Variants in TRIM39 observed in about 807,000 individuals in gnomAD.
The protein encoded by TRIM39 is E3 ubiquitin-protein ligase TRIM39.
TRIM39 carries 5 observed loss-of-function variants against 53.6 expected under a neutral mutation model. The observed-to-expected ratio is 0.09, with a 90% confidence interval of 0.05 to 0.20. The LOEUF is 0.20. TRIM39 is among the 10% of genes least tolerant of loss of function. The probability of loss-of-function intolerance (pLI) is 1.00; values close to 1 mark genes in which losing one functional copy is unlikely to be tolerated. For missense variants in TRIM39, 310 were observed against 621.0 expected (o/e 0.50, Z 5.32); for synonymous variants, 196 against 237.6 (o/e 0.82, Z 1.61).
At chr6:30,336,115 G>A in intron 5 of TRIM39, 140 bp downstream of exon 5, 1 of 1,321,716 alleles carries the variant, frequency 7.6e-7, no homozygotes, top group Non-Finnish European at 1.1e-6. Flanking sequence ...TACTCAAAGG[G>A]TCTTTGCTAC....
intron 3 of TRIM39, 73 bp downstream of exon 3, chr6:30,329,843 T>A: frequency 6.5e-7 from 1 of 1,530,416 alleles, no homozygotes; most frequent in South Asian, 1.3e-5. Context: ...ACTCCCTAGG[T>A]AGAGATCGTA....
In TRIM39 at chr6:30,338,773, C is replaced by T. The variant is rs552151426; in HGVS notation, c.781-1135C>T. ...ACAATGTCAACAAAACACAATAAAG[C>T]GAGGTGCAATAAAATGAGGTATGCC... On this transcript the variant is annotated intron_variant, in intron 5 of 7. Transcript: ENST00000396551. The surrounding 1 kb of genome is among the most constrained non-coding windows in gnomAD (Gnocchi z 4.0). 1.3e-5 allele frequency among the ~76,000 whole-genome samples: 2 copies of T among 151,864 alleles called. No homozygotes were observed. Among genetic ancestry groups the T allele is most frequent in the East Asian group, 1.9e-4 (1 of 5,172 alleles).
chr6:30,329,159 T>C, intron 2 of TRIM39, 118 bp downstream of exon 2: 1 of 888,956 alleles, frequency 1.1e-6, no homozygotes, highest in Non-Finnish European at 1.7e-6. Context: ...TTGAATTGAT[T>C]GGAAGAGAAG....
rs890495655 is a variant in TRIM39, at chr6:30,335,988, C to T, written c.780+13C>T. On this transcript the variant is annotated intron_variant, in intron 5 of 7. Transcript: ENST00000396551. This position sits in a 1 kb window ranked among gnomAD's most constrained non-coding sequence, Gnocchi z 4.7. ...CGAGATGCTTAAGGTTCGACCTTTGCCCCTGCATAGCCCCTCAGGCTGAGT... is the reference window on the plus strand; with the variant it reads ...CGAGATGCTTAAGGTTCGACCTTTGTCCCTGCATAGCCCCTCAGGCTGAGT... The T allele has an allele frequency of 1.2e-6, 2 of 1,612,786 alleles. No individual in the cohort carries two copies. The highest frequency in any genetic ancestry group is 1.7e-6 in the Non-Finnish European group (2 of 1,179,952).
At chr6:30,336,863 GC>G (rs1786924422) in intron 5 of TRIM39, among the ~76,000 whole-genome samples, 1 of 152,200 alleles carries the variant, frequency 6.6e-6, no homozygotes, top group South Asian at 2.1e-4. Context: ...AATTTACTTT[GC>G]CTAGATCTAT....
chr6:30,342,163 T>C lies in TRIM39; in HGVS notation c.1371T>C (p.Phe457=), dbSNP rs755552257. Residue 457 remains phenylalanine (F), a synonymous_variant, in exon 8 of 8, where the codon TTT becomes TTC. Coordinates refer to ENST00000396551, the Ensembl canonical transcript of TRIM39. The surrounding 1 kb of genome is among the most constrained non-coding windows in gnomAD (Gnocchi z 4.7). ...ATATCTACACCTTCACTGATACTTT[T>C]ACTGAGAAACTTTGGCCCCTCTTCT... 4 of 1,612,956 alleles carry C rather than the reference T, an allele frequency of 2.5e-6. No individual in the cohort carries two copies. The highest frequency in any genetic ancestry group is 4.5e-5 in the East Asian group (2 of 44,898).
intron 7 of TRIM39, 162 bp from the exon 8 acceptor site, chr6:30,341,550 C>T (rs1396907225): frequency 9.3e-7 from 1 of 1,072,304 alleles, no homozygotes; most frequent in Non-Finnish European, 1.4e-6. Flanking sequence ...TGCTTTCTCC[C>T]CTTCCTTAGG....
chr6:30,335,897 G>A lies in TRIM39; in HGVS notation c.702G>A (p.Gly234=), dbSNP rs945284145. 4 of 1,612,872 alleles carry A rather than the reference G, an allele frequency of 2.5e-6. No homozygotes were observed. The highest frequency in any genetic ancestry group is 1.3e-5 in the African/African-American group (1 of 74,970). ...TCCGAGAAAATGCTGCTCACCTTGGGGACAAGCGCCGGGACCTGGCCCACT... is the reference window on the plus strand; with the variant it reads ...TCCGAGAAAATGCTGCTCACCTTGGAGACAAGCGCCGGGACCTGGCCCACT... Residue 234 remains glycine, a synonymous_variant, in exon 5 of 8, where the codon GGG becomes GGA. Coordinates refer to ENST00000396551, the Ensembl canonical transcript of TRIM39. This position sits in a 1 kb window ranked among gnomAD's most constrained non-coding sequence, Gnocchi z 4.7.
chr6:30,329,241 CAAAAAAA>C (rs200072323), intron 2 of TRIM39, 63 bp from the exon 3 acceptor site: 26 of 1,344,672 alleles, frequency 1.9e-5, no homozygotes, highest in Non-Finnish European at 2.5e-5. Flanking sequence ...GTCAGGGATG[CAAAAAAA>C]AAAAAAAGAA....
rs754654744 is a variant in TRIM39, at chr6:30,330,924, A to G, written c.549+48A>G. 6.9e-6 allele frequency: 11 copies of G among 1,593,548 alleles called. No individual in the cohort carries two copies. In the Admixed American group the frequency reaches 1.2e-4, roughly 18 times the overall value. On this transcript the variant is annotated intron_variant, in intron 4 of 7. Coordinates refer to ENST00000396551, the Ensembl canonical transcript of TRIM39. ...AGGCTGCTCTGAAGGGTATTTGCCT[A>G]TGAGGGAATTAACTGTACACTATTT...
At chr6:30,340,149 G>A (rs1035037896) in intron 6 of TRIM39, 121 of 1,077,146 alleles carry the variant, frequency 1.1e-4, no homozygotes, top group Admixed American at 1.4e-4. Context: ...TCTTGAGAAG[G>A]AGAATGATAA....
chr6:30,339,981 G>A lies in TRIM39; in HGVS notation c.803+51G>A. 1 of 1,613,842 alleles carries A rather than the reference G, an allele frequency of 6.2e-7. No individual in the cohort carries two copies. The highest frequency in any genetic ancestry group is 1.7e-5 in the Admixed American group (1 of 59,998). ...GTGAGTTAGGTCTTGGCTTAGAGAG[G>A]AGGGGTACAGTCAGGAGTTTGGGTT... On this transcript the variant is annotated intron_variant, in intron 6 of 7. Transcript: ENST00000396551. This position sits in a 1 kb window ranked among gnomAD's most constrained non-coding sequence, Gnocchi z 4.2.
intron 4 of TRIM39, among the ~76,000 whole-genome samples, chr6:30,332,424 T>G (rs1786297002): frequency 6.6e-6 from 1 of 152,250 alleles, no homozygotes. Context: ...AGTTGACATG[T>G]AGAGATCACC....
At chr6:30,332,518 C>T (rs1786306155) in intron 4 of TRIM39, among the ~76,000 whole-genome samples, 1 of 152,148 alleles carries the variant, frequency 6.6e-6, no homozygotes, top group Non-Finnish European at 1.5e-5. Context: ...AGTATTATTA[C>T]CTTAGTGCCT....
Position 30,342,348 on chromosome 6 carries a change from A to C in TRIM39, c.*89A>C, listed in dbSNP as rs1365910528. On this transcript the variant is annotated 3_prime_UTR_variant, in exon 8 of 8. Coordinates refer to ENST00000396551, the Ensembl canonical transcript of TRIM39. This position sits in a 1 kb window ranked among gnomAD's most constrained non-coding sequence, Gnocchi z 4.7. ...GTCCTGCTGGAACGTCTTCGTGTCC[A>C]CCTGGGTCCAGTCCTGAATCATCTT... is the stretch of plus-strand genomic sequence containing the variant. The C allele has an allele frequency of 1.4e-6, 2 of 1,390,762 alleles. No homozygotes were observed. Among genetic ancestry groups the C allele is most frequent in the Non-Finnish European group, 2.0e-6 (2 of 1,001,558 alleles). 86.2% of individuals were successfully genotyped at this position (1,390,762 alleles called of 1,614,324 possible). A position where few individuals can be genotyped will look rare whatever the true frequency, so the allele number is the denominator to read the frequency against.
At chr6:30,330,266 C>T (rs973744614) in intron 3 of TRIM39, among the ~76,000 whole-genome samples, 8 of 152,066 alleles carry the variant, frequency 5.3e-5, no homozygotes, top group African/African-American at 1.9e-4. Flanking sequence ...ACTGCTGAGA[C>T]AAAGGAAAAT....
At chr6:30,340,754 C>A in intron 7 of TRIM39, 134 bp downstream of exon 7, 1 of 914,946 alleles carries the variant, frequency 1.1e-6, no homozygotes, top group Non-Finnish European at 1.6e-6. Flanking sequence ...CTTTATCTGG[C>A]TTTTAGTCTC....
intron 7 of TRIM39, chr6:30,341,275 T>C (rs1582052689): frequency 2.6e-6 from 1 of 388,754 alleles, no homozygotes; most frequent in South Asian, 2.1e-5. Flanking sequence ...GCAGGGAAAA[T>C]AGTCATAAAC....
rs1334718946 is a variant in TRIM39, at chr6:30,335,898, G to T, written c.703G>T (p.Asp235Tyr). ...CCGAGAAAATGCTGCTCACCTTGGG[G>T]ACAAGCGCCGGGACCTGGCCCACTT... Residue 235 changes from aspartate (D) to tyrosine (Y), a missense_variant, in exon 5 of 8, where the codon GAC becomes TAC. Around this residue, in one of 5 missense-constraint regions of TRIM39, gnomAD observed 161 missense variants for 210.0 expected, o/e 0.77. Coordinates refer to ENST00000396551, the Ensembl canonical transcript of TRIM39. This position sits in a 1 kb window ranked among gnomAD's most constrained non-coding sequence, Gnocchi z 4.7. 2 of 1,612,920 alleles carry T rather than the reference G, an allele frequency of 1.2e-6. No homozygotes were observed. The highest frequency in any genetic ancestry group is 1.3e-5 in the African/African-American group (1 of 74,986).
Sources: gnomAD v4.1 joint callset for allele counts (sites outside exome capture counted in the v4.1 genomes callset) on GRCh38, gnomAD v4.1.1 for gene constraint, gnomAD v4.1.1 regional missense constraint, Gnocchi (gnomAD v3.1) non-coding constraint, MANE v1.5 for transcripts, NCBI Gene and HGNC (gene_info 2026-07-23, HGNC 2026-07-21) for gene names.